The following NFIB variants were observed in gnomAD, a reference collection of about 807,000 sequenced individuals.
NFIB encodes nuclear factor I B, also known as nuclear factor 1 B-type.
Under a neutral mutation model 61.5 loss-of-function variants are expected in NFIB, and 11 were observed. The ratio of observed to expected loss-of-function variants is 0.18; its 90% CI spans 0.11 to 0.30. The LOEUF is 0.30. NFIB is among the 10% of genes least tolerant of loss of function. The probability of loss-of-function intolerance (pLI) is 1.00; values close to 1 mark genes in which losing one functional copy is unlikely to be tolerated. For synonymous variants in NFIB, 260 were observed against 216.5 expected (o/e 1.20, Z -1.76); for missense variants, 471 against 608.9 (o/e 0.77, Z 2.38).
At chr9:14,439,177 C>G in the NFIB span, among the ~76,000 whole-genome samples, 1 of 152,054 alleles carries the variant, frequency 6.6e-6, no homozygotes, top group African/African-American at 2.4e-5. Context: ...TTGAGAACAG[C>G]TTGGGCAACA....
At chr9:14,140,189 A>G (rs1290604353) in intron 6 of NFIB, among the ~76,000 whole-genome samples, 1 of 152,168 alleles carries the variant, frequency 6.6e-6, no homozygotes, top group Non-Finnish European at 1.5e-5. Context: ...AGAACTTTAA[A>G]ACTTCTTCCA....
intron 3 of NFIB, among the ~76,000 whole-genome samples, chr9:14,172,328 C>G (rs2045654325): frequency 6.6e-6 from 1 of 151,954 alleles, no homozygotes; most frequent in African/African-American, 2.4e-5. Context: ...AGGTAGGAAT[C>G]AGTGAAATAA....
At chr9:14,441,872 A>T in the NFIB span, among the ~76,000 whole-genome samples, 1 of 152,212 alleles carries the variant, frequency 6.6e-6, no homozygotes, top group Admixed American at 6.5e-5. Context: ...ACGAGAGGCA[A>T]CTATGATTGT....
At chr9:14,467,136 G>C in the NFIB span, among the ~76,000 whole-genome samples, 1 of 152,182 alleles carries the variant, frequency 6.6e-6, no homozygotes, top group African/African-American at 2.4e-5. Flanking sequence ...AATAGTGGCT[G>C]TTTCCTTGAC....
chr9:14,486,377 C>A, the NFIB span, among the ~76,000 whole-genome samples: 1 of 152,088 alleles, frequency 6.6e-6, no homozygotes. Context: ...GGAGAAAGCC[C>A]AGGAGGATTC....
upstream of NFIB, among the ~76,000 whole-genome samples, chr9:14,400,598 T>C (rs1169850781): frequency 6.6e-6 from 1 of 151,990 alleles, no homozygotes; most frequent in African/African-American, 2.4e-5. Flanking sequence ...CCAACCAAAA[T>C]CGAAAGCAAA....
At chr9:14,382,508 C>T (rs1380529938) in intron 1 of NFIB, among the ~76,000 whole-genome samples, 2 of 151,950 alleles carry the variant, frequency 1.3e-5, no homozygotes, top group Non-Finnish European at 2.9e-5. Flanking sequence ...GGCCACAGGG[C>T]CAGCTCAGAG....
the NFIB span, among the ~76,000 whole-genome samples, chr9:14,464,950 T>C: frequency 3.9e-5 from 6 of 152,158 alleles, no homozygotes; most frequent in South Asian, 2.1e-4. Context: ...ATGTACTCAA[T>C]AGATATTATT....
the NFIB span, among the ~76,000 whole-genome samples, chr9:14,427,191 T>C: frequency 6.6e-6 from 1 of 152,232 alleles, no homozygotes; most frequent in Non-Finnish European, 1.5e-5. Flanking sequence ...CTGACAGCTC[T>C]ATGGAGGCAA....
At chr9:14,163,791 G>T (rs1204430779) in intron 3 of NFIB, among the ~76,000 whole-genome samples, 1 of 151,626 alleles carries the variant, frequency 6.6e-6, no homozygotes, top group African/African-American at 2.4e-5. Flanking sequence ...TAAAAACATC[G>T]ATCATGTTTT....
intron 10 of NFIB, among the ~76,000 whole-genome samples, chr9:14,108,967 T>C (rs1481175277): frequency 1.3e-5 from 2 of 152,076 alleles, no homozygotes; most frequent in Non-Finnish European, 2.9e-5. Flanking sequence ...TTTTTAAATA[T>C]ATGTTGATGT....
chr9:14,506,618 A>C, the NFIB span, among the ~76,000 whole-genome samples: 3 of 152,238 alleles, frequency 2.0e-5, no homozygotes, highest in Admixed American at 6.5e-5. Flanking sequence ...GTACCTACAT[A>C]TTGAAAATGT....
At chr9:14,211,787 G>T (rs1329824337) in intron 2 of NFIB, among the ~76,000 whole-genome samples, 1 of 152,220 alleles carries the variant, frequency 6.6e-6, no homozygotes, top group African/African-American at 2.4e-5. Flanking sequence ...GAGTTGAACA[G>T]TATAGCATAT....
rs189982102 is a variant in NFIB, at chr9:14,270,173, G to A, written c.562+36816C>T. On this transcript the variant is annotated intron_variant, in intron 2 of 10. Coordinates refer to ENST00000380953, the MANE Select transcript of NFIB (RefSeq NM_001190737.2). ...TTGTCAGAACACACTAAATCTGTCTGAATAAGGGAAAACAAAACTTTGTCT... is the reference window on the plus strand; with the variant it reads ...TTGTCAGAACACACTAAATCTGTCTAAATAAGGGAAAACAAAACTTTGTCT... 2.3e-3 allele frequency among the ~76,000 whole-genome samples: 347 copies of A among 152,204 alleles called. 1 individual carries two copies. The highest frequency in any genetic ancestry group is 2.0e-3 in the Non-Finnish European group (138 of 67,998).
the NFIB span, among the ~76,000 whole-genome samples, chr9:14,502,084 C>T: frequency 6.6e-6 from 1 of 152,124 alleles, no homozygotes; most frequent in Non-Finnish European, 1.5e-5. Flanking sequence ...CCCCTGGGGC[C>T]ACATAGACTT....
At chr9:14,351,257 C>G (rs1025574043) in intron 1 of NFIB, among the ~76,000 whole-genome samples, 1 of 152,186 alleles carries the variant, frequency 6.6e-6, no homozygotes, top group African/African-American at 2.4e-5. Context: ...TAGCCCAATT[C>G]TCTTGGGCAG....
chr9:14,456,799 G>A, the NFIB span, among the ~76,000 whole-genome samples: 33 of 152,104 alleles, frequency 2.2e-4, 1 homozygote, highest in Admixed American at 1.9e-3. Flanking sequence ...CAAAAGCACC[G>A]AAGAACATAC....
At chr9:14,277,603 C>T (rs567876426) in intron 2 of NFIB, among the ~76,000 whole-genome samples, 2 of 152,350 alleles carry the variant, frequency 1.3e-5, no homozygotes, top group East Asian at 3.9e-4. Context: ...TGTTTGAGCT[C>T]TATCTTTATA....
At chr9:14,154,592 G>A (rs1347226618) in intron 4 of NFIB, among the ~76,000 whole-genome samples, 3 of 152,066 alleles carry the variant, frequency 2.0e-5, no homozygotes, top group Non-Finnish European at 4.4e-5. Flanking sequence ...CACACCCTGG[G>A]GCTACCAGAA....
Sources: allele counts gnomAD v4.1 joint callset (sites outside exome capture counted in the v4.1 genomes callset), GRCh38; gene constraint gnomAD v4.1.1; transcripts MANE v1.5; gene names NCBI Gene and HGNC (gene_info 2026-07-23, HGNC 2026-07-21).